SHANK1: variants seen among roughly 807,000 people sequenced by gnomAD.
The protein encoded by SHANK1 is SH3 and multiple ankyrin repeat domains 1, also known as SH3 and multiple ankyrin repeat domains protein 1.
Under a neutral mutation model 165.6 loss-of-function variants are expected in SHANK1, and 35 were observed. The ratio of observed to expected loss-of-function variants is 0.21; its 90% confidence interval spans 0.16 to 0.28. The LOEUF (loss-of-function observed/expected upper bound fraction) is 0.28, where lower values mean the gene tolerates loss of function less well. SHANK1 is among the 10% of genes least tolerant of loss of function. The pLI is 1.00. For synonymous variants in SHANK1, 1,428 were observed against 1,384.8 expected, an observed-to-expected ratio of 1.03 and a Z score of -0.69; for missense variants, 2,681 against 3,036.4, an observed-to-expected ratio of 0.88 and a Z score of 2.75.
In SHANK1 at chr19:50,718,743, G is replaced by A. The variant is rs886231489; in HGVS notation, c.-44+663C>T. 1.3e-5 allele frequency among the ~76,000 whole-genome samples: 2 copies of A among 149,908 alleles called. No homozygotes were observed. Among genetic ancestry groups the A allele is most frequent in the African/African-American group, 4.9e-5 (2 of 40,678 alleles). On this transcript the variant is annotated intron_variant, in intron 1 of 23. Coordinates refer to ENST00000293441, the MANE Select transcript of SHANK1 (RefSeq NM_016148.5). This position sits in a 1 kb window ranked among gnomAD's most constrained non-coding sequence, Gnocchi z 5.1. ...ATGAATGGAGGCGGAGGGAGGCGGG[G>A]AGGGGCGGGGAGAGAGAGCCGGAGC...
rs1985814218 is a variant in SHANK1 at position 50,672,109 on chromosome 19, G to A, written c.2583C>T (p.Ser861=). The change falls in exon 22 of 24, where the codon AGC becomes AGT. Residue 861 remains serine, a synonymous_variant. Transcript: ENST00000293441. ...RPKGFFATES[S]FDPHHRAQPS... is the part of the protein sequence containing the mutation. ...GCTGGGCACGGTGGTGGGGATCGAA[G>A]CTCGACTTTGGAGCGGCAGTCAGAG... 9 of 1,613,156 alleles carry A rather than the reference G, an allele frequency of 5.6e-6. No individual in the cohort carries two copies. The highest frequency in any genetic ancestry group is 7.6e-6 in the Non-Finnish European group (9 of 1,179,656).
rs1985179056 is a variant in SHANK1, at chr19:50,660,813, G to A, written c.*1152C>T. 6.7e-6 allele frequency among the ~76,000 whole-genome samples: 1 copy of A among 149,948 alleles called. No individual in the cohort carries two copies. On this transcript the variant is annotated 3_prime_UTR_variant, in exon 24 of 24. Transcript: ENST00000293441. The stretch of plus-strand genomic sequence containing the variant: ...AAGGGCAAAGATTTCAAACAGAAAG[G>A]GGCAAGGGAGTGGGAGCCTGGCAAA...
In SHANK1 at chr19:50,689,203, C is replaced by T; in HGVS notation, c.2041G>A (p.Ala681Thr). Reference protein sequence around the residue: ...SEGFGFVLRGAKAQTPIEEFT... With the variant: ...SEGFGFVLRGTKAQTPIEEFT... The stretch of plus-strand genomic sequence containing the variant: ...CTCCCCGGCTGGCACTCACCCTTGG[C>T]CCCCCGGAGCACGAACCCAAACCCC... Residue 681 changes from alanine to threonine, a missense_variant, in exon 16 of 24, where the codon GCC (alanine) becomes ACC (threonine). By Grantham distance (58) the Ala-to-Thr change is moderately conservative (BLOSUM62 0). Around this residue, in one of 10 missense-constraint regions of SHANK1, gnomAD observed 147 missense variants for 256.5 expected, o/e 0.57. Transcript: ENST00000293441. 2 of 1,609,192 alleles carry T rather than the reference C, an allele frequency of 1.2e-6. No individual in the cohort carries two copies. The highest frequency in any genetic ancestry group is 2.2e-5 in the South Asian group (2 of 90,820).
intron 21 of SHANK1, among the ~76,000 whole-genome samples, chr19:50,673,872 C>T (rs1242437567): frequency 6.7e-6 from 1 of 150,300 alleles, no homozygotes; most frequent in Non-Finnish European, 1.5e-5. Context: ...CGGCTCACTG[C>T]AGCCTTGGCC....
At position 50,686,697 on chromosome 19, in the gene SHANK1, C is replaced by G. The variant is rs776671669; in HGVS notation, c.2458+47G>C. The G allele has an allele frequency of 6.3e-7, 1 of 1,579,440 alleles. No individual in the cohort carries two copies. Among genetic ancestry groups the G allele is most frequent in the Non-Finnish European group, 8.7e-7 (1 of 1,151,676 alleles). The stretch of plus-strand genomic sequence containing the variant: ...GGTGGGACAGGGATGCAGCGGGTGC[C>G]GGGGCTGGGGCCCGGCATCCCGAGG... On this transcript the variant is annotated intron_variant, in intron 20 of 23. Coordinates refer to ENST00000293441, the MANE Select transcript of SHANK1 (RefSeq NM_016148.5). The surrounding 1 kb of genome is among the most constrained non-coding windows in gnomAD (Gnocchi z 5.7).
intron 21 of SHANK1, among the ~76,000 whole-genome samples, chr19:50,683,139 T>C (rs963500114): frequency 2.0e-5 from 3 of 152,146 alleles, no homozygotes; most frequent in East Asian, 1.9e-4. Context: ...GCCCTGAAAA[T>C]CTTTTAACCT....
At position 50,662,431 on chromosome 19, in the gene SHANK1, G is replaced by A. The variant is rs374977074; in HGVS notation, c.6020C>T (p.Ser2007Leu). 2.1e-5 allele frequency: 33 copies of A among 1,556,394 alleles called. No homozygotes were observed. The highest frequency in any genetic ancestry group is 3.7e-5 in the South Asian group (3 of 81,620). ...RAPSPSLLPASEHKVSPAPRP... is the reference protein window; with the variant it reads ...RAPSPSLLPALEHKVSPAPRP... Reference sequence around the variant, plus strand: ...GGGCGCAGGGCTGACCTTGTGCTCCGAGGCGGGCAGCAGCGAGGGGCTGGG... The same window carrying A: ...GGGCGCAGGGCTGACCTTGTGCTCCAAGGCGGGCAGCAGCGAGGGGCTGGG... Residue 2007 changes from serine to leucine, a missense_variant, in exon 24 of 24, where the codon TCG becomes TTG. Physicochemically the swap from Ser to Leu is moderately radical, Grantham distance 145 (BLOSUM62 -2). Coordinates refer to ENST00000293441, the MANE Select transcript of SHANK1 (RefSeq NM_016148.5). The surrounding 1 kb of genome is among the most constrained non-coding windows in gnomAD (Gnocchi z 7.7).
In SHANK1 at chr19:50,707,876, T is replaced by TTTTTCTTTTCTTTTC. The variant is rs60019205; in HGVS notation, c.1078-3377_1078-3363dup. Reference sequence around the variant, plus strand: ...CTCCTGCCATGTGTACTTTTGCGTGTTTTTCTTTTCTTTTCTTTTCTTTTC... The same window carrying TTTTTCTTTTCTTTTC: ...CTCCTGCCATGTGTACTTTTGCGTGTTTTTCTTTTCTTTTCTTTTCTTTTCTTTTCTTTTCTTTTC... On this transcript the variant is annotated intron_variant, in intron 8 of 23. Coordinates refer to ENST00000293441, the MANE Select transcript of SHANK1 (RefSeq NM_016148.5). Among the ~76,000 whole-genome samples the TTTTTCTTTTCTTTTC allele has an allele frequency of 3.4e-3, 320 of 95,058 alleles. 9 individuals are homozygous for TTTTTCTTTTCTTTTC. Among genetic ancestry groups the TTTTTCTTTTCTTTTC allele is most frequent in the South Asian group, 6.2e-3 (16 of 2,570 alleles). The allele number at this position is 95,058 out of a possible 152,430, so 62.4% of individuals were successfully genotyped here.
chr19:50,668,249 C>T lies in SHANK1; in HGVS notation c.3711G>A (p.Val1237=). Reference sequence around the variant, plus strand: ...AGCCCCCCTCCCTCCGGGCCGCCCCCACCAGGGCGGCCCCGAACTGGCTCG... The same window carrying T: ...AGCCCCCCTCCCTCCGGGCCGCCCCTACCAGGGCGGCCCCGAACTGGCTCG... ...DFTSQFGAAL[V]GAARREGGWQ... is the part of the protein sequence containing the mutation. The change falls in exon 23 of 24, where the codon GTG becomes GTA. Residue 1237 remains valine (V), a synonymous_variant. Coordinates refer to ENST00000293441, the MANE Select transcript of SHANK1 (RefSeq NM_016148.5). The T allele has an allele frequency of 6.9e-7, 1 of 1,446,752 alleles. No homozygotes were observed. Among genetic ancestry groups the T allele is most frequent in the African/African-American group, 1.5e-5 (1 of 67,186 alleles). The allele number at this position is 1,446,752 out of a possible 1,614,324, so 89.6% of individuals were successfully genotyped here. A position where few individuals can be genotyped will look rare whatever the true frequency, so the allele number is the denominator to read the frequency against.
intron 4 of SHANK1, among the ~76,000 whole-genome samples, chr19:50,714,751 C>T (rs1468050045): frequency 3.3e-5 from 5 of 150,572 alleles, no homozygotes; most frequent in South Asian, 2.1e-4. Context: ...TGTTGAAATT[C>T]GTGTTAATGA....
At chr19:50,682,126 G>A (rs986327632) in intron 21 of SHANK1, among the ~76,000 whole-genome samples, 1 of 151,984 alleles carries the variant, frequency 6.6e-6, no homozygotes. Flanking sequence ...CATGATCTCG[G>A]CTCACTGTAA....
intron 21 of SHANK1, among the ~76,000 whole-genome samples, chr19:50,682,840 A>G (rs1377167730): frequency 6.6e-6 from 1 of 152,048 alleles, no homozygotes; most frequent in Non-Finnish European, 1.5e-5. Flanking sequence ...TTTGTTTTTT[A>G]GAGACAGGGT....
At chr19:50,677,372 C>A (rs1305438094) in intron 21 of SHANK1, among the ~76,000 whole-genome samples, 1 of 152,164 alleles carries the variant, frequency 6.6e-6, no homozygotes, top group Non-Finnish European at 1.5e-5. Context: ...AGGTGACCCA[C>A]CCACCTTGGC....
chr19:50,669,118 AG>A lies in SHANK1; in HGVS notation c.2841del (p.Ser948ProfsTer395). ...PVPSSSGRLTPSPRGGPFNPG... is the reference protein window; with the variant it reads ...PVPSSSGRLTXSPRGGPFNPG... ...GGGTTGAAGGGCCCTCCCCGAGGGG[AG>A]GGGGTGAGGCGCCCTGAGGAGGAGG... On this transcript the variant is annotated frameshift_variant, in exon 23 of 24. Coordinates refer to ENST00000293441, the MANE Select transcript of SHANK1 (RefSeq NM_016148.5). LOFTEE classifies it high-confidence loss of function. 6.8e-7 allele frequency: 1 copy of A among 1,476,434 alleles called. No individual in the cohort carries two copies. Among genetic ancestry groups the A allele is most frequent in the Non-Finnish European group, 9.0e-7 (1 of 1,113,028 alleles). The allele number at this position is 1,476,434 out of a possible 1,614,324, so 91.5% of individuals were successfully genotyped here. A position where few individuals can be genotyped will look rare whatever the true frequency, so the allele number is the denominator to read the frequency against.
intron 8 of SHANK1, among the ~76,000 whole-genome samples, chr19:50,708,815 T>C (rs1249034913): frequency 6.6e-6 from 1 of 152,180 alleles, no homozygotes; most frequent in Non-Finnish European, 1.5e-5. Context: ...TCAACAAAGA[T>C]GGAACTAGGC....
chr19:50,709,904 C>T (rs2088988013), intron 8 of SHANK1, among the ~76,000 whole-genome samples: 1 of 152,210 alleles, frequency 6.6e-6, no homozygotes, highest in African/African-American at 2.4e-5. Flanking sequence ...GTTTCTGTCT[C>T]TCGACTGGAC....
Position 50,697,879 on chromosome 19 carries a change from C to G in SHANK1, c.1825G>C (p.Glu609Gln). The change falls in exon 13 of 24, where the codon GAA becomes CAA. Residue 609 changes from glutamate to glutamine, a missense_variant. Glu to Gln is a conservative substitution (Grantham distance 29). Coordinates refer to ENST00000293441, the MANE Select transcript of SHANK1 (RefSeq NM_016148.5). This position sits in a 1 kb window ranked among gnomAD's most constrained non-coding sequence, Gnocchi z 4.7. ...TCCTGAGAGCGATTCGCCACTTCTT[C>G]CAGGCAGTCAGAGGGGAACCAGCCA... ...RVGWFPSDCL[E>Q]EVANRSQESK... is the part of the protein sequence containing the mutation. 6.2e-7 allele frequency: 1 copy of G among 1,614,104 alleles called. No individual in the cohort carries two copies. Among genetic ancestry groups the G allele is most frequent in the Non-Finnish European group, 8.5e-7 (1 of 1,180,008 alleles).
At chr19:50,706,692 G>A (rs10414691) in intron 8 of SHANK1, among the ~76,000 whole-genome samples, 109,113 of 151,562 alleles carry the variant, frequency 0.72, 39,740 homozygotes, top group African/African-American at 0.8. Flanking sequence ...CACAAATGCC[G>A]CCTCTTCAGA....
At chr19:50,719,253 C>G (rs1197974626) in intron 1 of SHANK1, among the ~76,000 whole-genome samples, 153 bp downstream of exon 1, 3 of 151,752 alleles carry the variant, frequency 2.0e-5, no homozygotes. Flanking sequence ...TTGGTGTCGC[C>G]CAGGGCAACG....
Sources: gnomAD v4.1 joint callset for allele counts (sites outside exome capture counted in the v4.1 genomes callset) on GRCh38, gnomAD v4.1.1 for gene constraint, gnomAD v4.1.1 regional missense constraint, Gnocchi (gnomAD v3.1) non-coding constraint, MANE v1.5 for transcripts, NCBI Gene and HGNC (gene_info 2026-07-23, HGNC 2026-07-21) for gene names.